CAMTA1: variants seen among roughly 807,000 people sequenced by gnomAD.
CAMTA1 encodes calmodulin-binding transcription activator 1.
CAMTA1 carries 27 observed loss-of-function variants against 170.9 expected under a neutral mutation model. That is an observed-to-expected ratio of 0.16 (90% CI 0.12 to 0.22). The LOEUF (loss-of-function observed/expected upper bound fraction) is 0.22. CAMTA1 is among the 10% of genes least tolerant of loss of function. The pLI, the probability that CAMTA1 is intolerant of heterozygous loss-of-function variation, is 1.00. For synonymous variants in CAMTA1, 833 were observed against 891.5 expected, an observed-to-expected ratio of 0.93 and a Z score of 1.17; for missense variants, 1,619 against 2,217.2, an observed-to-expected ratio of 0.73 and a Z score of 5.42.
At position 7,732,514 on chromosome 1, in the gene CAMTA1, C is replaced by G; in HGVS notation, c.2981C>G (p.Thr994Arg). ...ATGGAGAGGAGGATGGCCGAGATGA[C>G]GGGGTCCCAGCAGCACAAACAGGCG... is the stretch of plus-strand genomic sequence containing the variant. ...EQMERRMAEM[T>R]GSQQHKQASG... Residue 994 changes from threonine to arginine, a missense_variant, in exon 12 of 23, where the codon ACG (threonine) becomes AGG (arginine). By Grantham distance (71) the Thr-to-Arg change is moderately conservative. Around this residue, in one of 8 missense-constraint regions of CAMTA1, gnomAD observed 143 missense variants for 184.2 expected, o/e 0.78. Coordinates refer to ENST00000303635, the MANE Select transcript of CAMTA1 (RefSeq NM_015215.4). This position sits in a 1 kb window ranked among gnomAD's most constrained non-coding sequence, Gnocchi z 4.1. 2 of 1,613,846 alleles carry G rather than the reference C, an allele frequency of 1.2e-6. No homozygotes were observed. The highest frequency in any genetic ancestry group is 1.1e-5 in the South Asian group (1 of 91,054).
chr1:7,392,474 C>T (rs548722937), intron 5 of CAMTA1, among the ~76,000 whole-genome samples: 44 of 151,272 alleles, frequency 2.9e-4, no homozygotes, highest in Admixed American at 4.6e-4. Flanking sequence ...AGGCTGGTCC[C>T]GAACTCCCAA....
chr1:7,245,511 T>G (rs1323946349), intron 4 of CAMTA1, among the ~76,000 whole-genome samples: 5 of 152,066 alleles, frequency 3.3e-5, no homozygotes, highest in Non-Finnish European at 5.9e-5. Flanking sequence ...AAGCTAACTT[T>G]ATACCCATTT....
At chr1:7,722,495 ATCT>A (rs1467514899) in intron 11 of CAMTA1, among the ~76,000 whole-genome samples, 4 of 152,088 alleles carry the variant, frequency 2.6e-5, no homozygotes, top group East Asian at 1.9e-4. Context: ...GAGTTTTTTC[ATCT>A]TCTTCTTGAT....
intron 6 of CAMTA1, among the ~76,000 whole-genome samples, chr1:7,612,882 C>A (rs1015321328): frequency 6.6e-6 from 1 of 152,190 alleles, no homozygotes; most frequent in African/African-American, 2.4e-5. Context: ...AGTGATTCTG[C>A]AGAAACAGAT....
chr1:7,708,302 T>C (rs4908476), intron 11 of CAMTA1, among the ~76,000 whole-genome samples: 61,296 of 151,920 alleles, frequency 0.4, 13,282 homozygotes, highest in Middle Eastern at 0.55. Flanking sequence ...TTGCACTCCA[T>C]CCTGAGCAAC....
At chr1:7,139,615 C>G (rs959177966) in intron 4 of CAMTA1, among the ~76,000 whole-genome samples, 6 of 152,144 alleles carry the variant, frequency 3.9e-5, no homozygotes, top group African/African-American at 1.4e-4. Context: ...TCCCTTTCCT[C>G]CTGTCTGTCT....
chr1:7,687,465 G>C (rs1222396842), intron 11 of CAMTA1, among the ~76,000 whole-genome samples: 1 of 152,106 alleles, frequency 6.6e-6, no homozygotes, highest in Non-Finnish European at 1.5e-5. Context: ...GAAAATCCAG[G>C]TGACACGGCA....
chr1:6,860,727 A>G lies in CAMTA1; in HGVS notation c.234+35517A>G, dbSNP rs140939333. Among the ~76,000 whole-genome samples, 118 of 152,186 alleles carry G rather than the reference A, an allele frequency of 7.8e-4. 1 individual carries two copies. In the East Asian group the frequency reaches 0.021, roughly 28 times the overall value. The stretch of plus-strand genomic sequence containing the variant: ...GGAGTTCAAGACCAGCCTGGCCAAC[A>G]TGGTGAAACCCCATCTCTACTAAAA... On this transcript the variant is annotated intron_variant, in intron 3 of 22. Transcript: ENST00000303635.
At chr1:7,043,949 C>G (rs1162317108) in intron 3 of CAMTA1, among the ~76,000 whole-genome samples, 1 of 152,136 alleles carries the variant, frequency 6.6e-6, no homozygotes, top group Non-Finnish European at 1.5e-5. Flanking sequence ...GAGGGTGGTT[C>G]TGGATGCAGG....
chr1:6,842,093 T>G (rs949218097), intron 3 of CAMTA1, among the ~76,000 whole-genome samples: 2 of 152,224 alleles, frequency 1.3e-5, no homozygotes, highest in East Asian at 3.8e-4. Context: ...ACACTTCTGC[T>G]CTTCTCTCCT....
chr1:6,797,390 G>GTTTTTT, intron 1 of CAMTA1, among the ~76,000 whole-genome samples: 1 of 142,404 alleles, frequency 7.0e-6, no homozygotes, highest in Non-Finnish European at 1.5e-5. Flanking sequence ...TATTTACTGG[G>GTTTTTT]TTTTTTTTTT....
chr1:7,281,727 T>A (rs918761795), intron 5 of CAMTA1, among the ~76,000 whole-genome samples: 3 of 152,162 alleles, frequency 2.0e-5, no homozygotes, highest in African/African-American at 7.2e-5. Context: ...AAGTGGTTTT[T>A]AAATTATCAT....
At chr1:7,145,749 C>G (rs550000303) in intron 4 of CAMTA1, among the ~76,000 whole-genome samples, 1 of 152,304 alleles carries the variant, frequency 6.6e-6, no homozygotes, top group Admixed American at 6.5e-5. Flanking sequence ...TGCAGTCATC[C>G]GTGTCTCCCG....
intron 6 of CAMTA1, among the ~76,000 whole-genome samples, chr1:7,636,276 T>A (rs140382536): frequency 6.6e-6 from 1 of 152,304 alleles, no homozygotes; most frequent in Non-Finnish European, 1.5e-5. Context: ...GCCCTTGAAC[T>A]GAAGTGTTGA....
intron 6 of CAMTA1, among the ~76,000 whole-genome samples, chr1:7,504,265 G>A (rs755069464): frequency 5.3e-5 from 8 of 152,222 alleles, no homozygotes; most frequent in East Asian, 1.9e-4. Context: ...ATGCAGCCAC[G>A]CTCACCTTCC....
chr1:7,708,516 G>A (rs1373652668), intron 11 of CAMTA1, among the ~76,000 whole-genome samples: 1 of 152,174 alleles, frequency 6.6e-6, no homozygotes, highest in Non-Finnish European at 1.5e-5. Flanking sequence ...AAAAGACAGT[G>A]GAGGGGGAGA....
intron 2 of CAMTA1, among the ~76,000 whole-genome samples, chr1:6,821,560 CTG>C (rs751061242): frequency 1.3e-5 from 2 of 152,096 alleles, no homozygotes; most frequent in Non-Finnish European, 2.9e-5. Context: ...TTATACCAAA[CTG>C]TTTGAACAGT....
At chr1:6,964,211 G>T (rs1691109853) in intron 3 of CAMTA1, among the ~76,000 whole-genome samples, 1 of 152,068 alleles carries the variant, frequency 6.6e-6, no homozygotes, top group Non-Finnish European at 1.5e-5. Flanking sequence ...TGGGTGCCTG[G>T]GTAGGGGTGC....
Position 7,745,929 on chromosome 1 carries a change from G to A in CAMTA1, c.4455G>A (p.Glu1485=), listed in dbSNP as rs755377324. Residue 1485 remains glutamate (E), a synonymous_variant, in exon 18 of 23, where the codon GAG becomes GAA. Coordinates refer to ENST00000303635, the MANE Select transcript of CAMTA1 (RefSeq NM_015215.4). ...CTCCCGTCAGTGAAATCGCTTTCGA[G>A]AAACCTAACCTTCCCTCCGCCGCGG... is the stretch of plus-strand genomic sequence containing the variant. The part of the protein sequence containing the change: ...VGSPVSEIAF[E]KPNLPSAADW... The A allele has an allele frequency of 4.3e-6, 7 of 1,614,206 alleles. 1 individual carries two copies. In the South Asian group the frequency reaches 7.7e-5, roughly 18 times the overall value.
Sources: allele counts gnomAD v4.1 joint callset (sites outside exome capture counted in the v4.1 genomes callset), GRCh38; gene constraint gnomAD v4.1.1; regional missense constraint gnomAD v4.1.1; non-coding constraint Gnocchi (gnomAD v3.1); transcripts MANE v1.5; gene names NCBI Gene and HGNC (gene_info 2026-07-23, HGNC 2026-07-21).